DIP2B: variants seen among roughly 807,000 people sequenced by gnomAD.
The protein encoded by DIP2B is disco-interacting protein 2 homolog B.
A neutral mutation model predicts 198.0 loss-of-function variants in DIP2B; 76 were observed. The ratio of observed to expected loss-of-function variants is 0.38; its 90% CI spans 0.32 to 0.46. DIP2B has a LOEUF of 0.46. Among genes scored for constraint, DIP2B ranks in the 20% least tolerant of loss-of-function variants. The pLI, the probability that DIP2B is intolerant of heterozygous loss-of-function variation, is 0.99. For missense variants in DIP2B, 1,559 were observed against 1,978.4 expected, an observed-to-expected ratio of 0.79 and a Z score of 4.02; for synonymous variants, 701 against 739.1, an observed-to-expected ratio of 0.95 and a Z score of 0.84.
chr12:50,684,454 G>C (rs746522020), intron 10 of DIP2B, among the ~76,000 whole-genome samples: 1 of 152,186 alleles, frequency 6.6e-6, no homozygotes, highest in Non-Finnish European at 1.5e-5. Context: ...GTTTATTTCT[G>C]AGGGCTGATG....
Position 50,735,130 on chromosome 12 carries a change from G to C in DIP2B, c.4101G>C (p.Lys1367Asn). The change falls in exon 34 of 38, where the codon AAG (lysine) becomes AAC (asparagine). Residue 1367 changes from lysine to asparagine, a missense_variant and splice_region_variant. By Grantham distance (94) the Lys-to-Asn change is moderately conservative. Transcript: ENST00000301180. The part of the protein sequence containing the change: ...PQSLLLSESG[K>N]ILPGVKVVIV... ...GTTTGCTTCTCTCAGAGTCTGGAAAGGTAATTTGTTCTGTTGACCATGGGG... is the reference window on the plus strand; with the variant it reads ...GTTTGCTTCTCTCAGAGTCTGGAAACGTAATTTGTTCTGTTGACCATGGGG... The C allele has an allele frequency of 6.2e-7, 1 of 1,614,168 alleles. No individual in the cohort carries two copies. The highest frequency in any genetic ancestry group is 1.1e-5 in the South Asian group (1 of 91,080).
chr12:50,671,057 AT>A lies in DIP2B; in HGVS notation c.428-128del, dbSNP rs1396344341. On this transcript the variant is annotated intron_variant, in intron 4 of 37. Transcript: ENST00000301180. ...CCTTGAGATTCTTGAGAAACTTTAC[AT>A]ATTAATCTACCTTAAGAATGCGAAT... 3.1e-5 allele frequency: 26 copies of A among 850,110 alleles called. No homozygotes were observed. The African/African-American group carries it at 4.4e-4, about 15-fold the overall frequency. The allele number at this position is 850,110 out of a possible 1,614,324, so 52.7% of individuals were successfully genotyped here.
intron 28 of DIP2B, among the ~76,000 whole-genome samples, chr12:50,725,212 G>A (rs1195099937): frequency 2.0e-5 from 3 of 152,104 alleles, no homozygotes; most frequent in Non-Finnish European, 4.4e-5. Flanking sequence ...TGATCCTTTC[G>A]TTCGAGATGT....
Position 50,660,401 on chromosome 12 carries a change from T to G in DIP2B, c.427+82T>G, listed in dbSNP as rs1022686111. 9.2e-6 allele frequency: 13 copies of G among 1,408,620 alleles called. No individual in the cohort carries two copies. In the African/African-American group the frequency reaches 1.7e-4, roughly 19 times the overall value. 87.3% of individuals were successfully genotyped at this position (1,408,620 alleles called of 1,614,324 possible). ...AAGTTCTGCTTTTTCTTTTCTGAGG[T>G]AAGAACCAGAATCTTCTCCCCGCCA... On this transcript the variant is annotated intron_variant, in intron 4 of 37. Coordinates refer to ENST00000301180, the MANE Select transcript of DIP2B (RefSeq NM_173602.3).
At chr12:50,653,823 T>TA (rs1187047749) in intron 3 of DIP2B, among the ~76,000 whole-genome samples, 2 of 152,166 alleles carry the variant, frequency 1.3e-5, no homozygotes, top group African/African-American at 4.8e-5. Context: ...TTCTCTGTTC[T>TA]CTGTTTCATT....
At chr12:50,706,798 C>T in intron 21 of DIP2B, 133 bp downstream of exon 21, 4 of 1,015,396 alleles carry the variant, frequency 3.9e-6, no homozygotes, top group Non-Finnish European at 5.4e-6. Flanking sequence ...ATTGCATAAG[C>T]CTGGCTTTTT....
intron 1 of DIP2B, among the ~76,000 whole-genome samples, chr12:50,574,900 A>T (rs1958645360): frequency 6.6e-6 from 1 of 152,236 alleles, no homozygotes; most frequent in African/African-American, 2.4e-5. Context: ...ATTTGTCCTT[A>T]GGCAGTCCTC....
intron 28 of DIP2B, among the ~76,000 whole-genome samples, chr12:50,727,020 A>T (rs569059466): frequency 6.6e-6 from 1 of 152,246 alleles, no homozygotes; most frequent in Admixed American, 6.5e-5. Context: ...CAGGAGGCTG[A>T]GGTGGGAGGA....
At chr12:50,722,772 C>T (rs954636826) in intron 26 of DIP2B, among the ~76,000 whole-genome samples, 2 of 152,144 alleles carry the variant, frequency 1.3e-5, no homozygotes, top group Admixed American at 1.3e-4. Context: ...AAACTCATAC[C>T]CCTTCAACAA....
chr12:50,598,384 G>A (rs1006762226), intron 1 of DIP2B, among the ~76,000 whole-genome samples: 1 of 151,962 alleles, frequency 6.6e-6, no homozygotes, highest in African/African-American at 2.4e-5. Context: ...TTGTTGGCCT[G>A]CCTTCTGTTC....
chr12:50,678,529 G>A (rs1330057704), intron 7 of DIP2B, 150 bp from the exon 8 acceptor site: 1 of 811,838 alleles, frequency 1.2e-6, no homozygotes, highest in Non-Finnish European at 1.9e-6. Context: ...CCCAGTTTGT[G>A]GACCACCATT....
chr12:50,535,149 C>G (rs1351025921), intron 1 of DIP2B, among the ~76,000 whole-genome samples: 4 of 152,056 alleles, frequency 2.6e-5, no homozygotes, highest in Non-Finnish European at 5.9e-5. Context: ...GGAGACTCAC[C>G]TGAGCCCAGG....
chr12:50,588,638 A>G (rs968121324), intron 1 of DIP2B, among the ~76,000 whole-genome samples: 8 of 152,180 alleles, frequency 5.3e-5, no homozygotes, highest in Non-Finnish European at 8.8e-5. Context: ...TGGTGGGTGG[A>G]GAACAGATGC....
intron 4 of DIP2B, among the ~76,000 whole-genome samples, chr12:50,664,829 GGTTTTTGTTTTTTTTTTTTT>G (rs1565863602): frequency 1.8e-3 from 9 of 5,092 alleles, no homozygotes; most frequent in African/African-American, 2.4e-3. Context: ...CTCCTTTTTT[GGTTTTTGTTTTTTTTTTTTT>G]TTTTTTTTTT....
chr12:50,645,442 G>T (rs1215022229), intron 3 of DIP2B, among the ~76,000 whole-genome samples: 1 of 150,818 alleles, frequency 6.6e-6, no homozygotes, highest in African/African-American at 2.4e-5. Context: ...TGCAAATATG[G>T]AAGGATGTAC....
intron 1 of DIP2B, among the ~76,000 whole-genome samples, chr12:50,579,766 G>A (rs956330748): frequency 7.0e-6 from 1 of 142,488 alleles, no homozygotes; most frequent in Non-Finnish European, 1.5e-5. Context: ...CCCAGAAACT[G>A]TGGACCACAT....
intron 1 of DIP2B, among the ~76,000 whole-genome samples, chr12:50,621,907 A>T (rs1256796028): frequency 6.6e-6 from 1 of 152,186 alleles, no homozygotes; most frequent in Non-Finnish European, 1.5e-5. Context: ...GCTGAACTAG[A>T]CTGTCTTGAT....
intron 1 of DIP2B, among the ~76,000 whole-genome samples, chr12:50,568,669 C>G (rs990688173): frequency 9.2e-5 from 14 of 152,086 alleles, no homozygotes; most frequent in African/African-American, 3.4e-4. Context: ...TATTTGCCTG[C>G]TGTTTATTTA....
At chr12:50,519,295 C>T (rs764548142) in intron 1 of DIP2B, among the ~76,000 whole-genome samples, 1 of 151,828 alleles carries the variant, frequency 6.6e-6, no homozygotes, top group Non-Finnish European at 1.5e-5. Flanking sequence ...GAGATGGGGT[C>T]TCACTGTATT....
Sources: gnomAD v4.1 joint callset for allele counts (sites outside exome capture counted in the v4.1 genomes callset) on GRCh38, gnomAD v4.1.1 for gene constraint, MANE v1.5 for transcripts, NCBI Gene and HGNC (gene_info 2026-07-23, HGNC 2026-07-21) for gene names.